LRP1B: variants seen among roughly 807,000 people sequenced by gnomAD.
LRP1B encodes the protein low-density lipoprotein receptor-related protein 1B.
A neutral mutation model predicts 556.6 loss-of-function variants in LRP1B; 217 were observed. The ratio of observed to expected loss-of-function variants is 0.39; its 90% confidence interval spans 0.35 to 0.44. The LOEUF is 0.44. LRP1B is among the 20% of genes least tolerant of loss of function. The pLI, the probability that LRP1B is intolerant of heterozygous loss-of-function variation, is 1.00. For missense variants in LRP1B, 5,053 were observed against 5,620.8 expected (o/e 0.90, Z 3.23); for synonymous variants, 2,047 against 1,865.8 (o/e 1.10, Z -2.50).
intron 41 of LRP1B, among the ~76,000 whole-genome samples, chr2:140,673,969 G>A (rs968159546): frequency 1.4e-5 from 2 of 141,600 alleles, no homozygotes; most frequent in Admixed American, 7.3e-5. Flanking sequence ...CTTTTTTTGC[G>A]ACAGAGTCTT....
chr2:140,978,201 A>C (rs1696662976), intron 18 of LRP1B, among the ~76,000 whole-genome samples: 1 of 152,224 alleles, frequency 6.6e-6, no homozygotes, highest in South Asian at 2.1e-4. Context: ...TTAACTCGTA[A>C]AGGCAAATGC....
intron 1 of LRP1B, among the ~76,000 whole-genome samples, chr2:141,842,295 T>G (rs892031494): frequency 6.6e-6 from 1 of 152,066 alleles, no homozygotes; most frequent in African/African-American, 2.4e-5. Context: ...GTAATATAAT[T>G]TAGGTAAAAT....
At chr2:141,533,433 G>A (rs1371725742) in intron 2 of LRP1B, among the ~76,000 whole-genome samples, 1 of 152,138 alleles carries the variant, frequency 6.6e-6, no homozygotes, top group Non-Finnish European at 1.5e-5. Context: ...AATGTGGAAA[G>A]GAAGCAATCT....
At chr2:141,025,013 AG>A in intron 11 of LRP1B, among the ~76,000 whole-genome samples, 1 of 152,228 alleles carries the variant, frequency 6.6e-6, no homozygotes, top group South Asian at 2.1e-4. Context: ...AAGAAAAAAC[AG>A]TAAGTGTCTT....
intron 2 of LRP1B, among the ~76,000 whole-genome samples, chr2:141,512,118 T>C (rs903161879): frequency 2.6e-5 from 4 of 152,318 alleles, no homozygotes; most frequent in Admixed American, 2.6e-4. Context: ...ATGGATATTT[T>C]CATCAACATA....
At chr2:141,695,433 T>A (rs144475464) in intron 2 of LRP1B, among the ~76,000 whole-genome samples, 47 of 152,120 alleles carry the variant, frequency 3.1e-4, no homozygotes, top group African/African-American at 1.1e-3. Context: ...TAAGGTGCTG[T>A]AACAAGTTCT....
chr2:141,310,070 A>C (rs1686754435), intron 3 of LRP1B, among the ~76,000 whole-genome samples: 1 of 152,118 alleles, frequency 6.6e-6, no homozygotes, highest in African/African-American at 2.4e-5. Flanking sequence ...ACCTTTCCAA[A>C]AGAAAGGGGA....
In LRP1B at chr2:140,401,516, C is replaced by T. The variant is rs553307379; in HGVS notation, c.10415-15507G>A. 4.9e-4 allele frequency among the ~76,000 whole-genome samples: 74 copies of T among 152,250 alleles called. 1 individual carries two copies. The highest frequency in any genetic ancestry group is 1.4e-3 in the African/African-American group (57 of 41,534). ...CCCCCAAAAGGGCTGCAGCTTGCCC[C>T]ACAAATGGAGAGTCAGAGTGCTGAT... On this transcript the variant is annotated intron_variant, in intron 66 of 90. Coordinates refer to ENST00000389484, the MANE Select transcript of LRP1B (RefSeq NM_018557.3).
chr2:140,374,725 G>C (rs1177680392), intron 68 of LRP1B, among the ~76,000 whole-genome samples: 2 of 151,962 alleles, frequency 1.3e-5, no homozygotes, highest in Non-Finnish European at 2.9e-5. Context: ...CTTTATCCCA[G>C]CTCTACTGGG....
intron 3 of LRP1B, among the ~76,000 whole-genome samples, chr2:141,315,286 G>A (rs1223214721): frequency 2.0e-5 from 2 of 102,140 alleles, no homozygotes; most frequent in African/African-American, 7.5e-5. Flanking sequence ...TTGAGACTGA[G>A]TCTTGCTCTG....
intron 3 of LRP1B, among the ~76,000 whole-genome samples, chr2:141,469,396 CAG>C (rs1682372855): frequency 6.6e-6 from 1 of 152,012 alleles, no homozygotes. Flanking sequence ...AACAAAATAC[CAG>C]AGGCTTGGTA....
At position 141,375,064 on chromosome 2, in the gene LRP1B, T is replaced by C. The variant is rs927156378; in HGVS notation, c.343+105332A>G. ...TCTCCTGAAGATGTATGTATGTTGT[T>C]GGTTAAGTAGGATCTGTTGGCTTTG... On this transcript the variant is annotated intron_variant, in intron 3 of 90. Transcript: ENST00000389484. 3.9e-5 allele frequency among the ~76,000 whole-genome samples: 6 copies of C among 152,264 alleles called. No individual in the cohort carries two copies. In the South Asian group the frequency reaches 1.0e-3, roughly 26 times the overall value.
In LRP1B at chr2:141,055,134, C is replaced by A. The variant is rs1699143665; in HGVS notation, c.1534G>T (p.Asp512Tyr). Residue 512 changes from aspartate (D) to tyrosine (Y), a missense_variant, in exon 10 of 91, where the codon GAT (aspartate) becomes TAT (tyrosine). Coordinates refer to ENST00000389484, the MANE Select transcript of LRP1B (RefSeq NM_018557.3). ...AACATACTTTTGCATGACCTGCCAT[C>A]ACTTCCCAAGTTGAAGCCAGTCCTG... Reference protein sequence around the residue: ...RCRTGFNLGSDGRSCKRPKNE... With the variant: ...RCRTGFNLGSYGRSCKRPKNE... 1 of 1,612,060 alleles carries A rather than the reference C, an allele frequency of 6.2e-7. No individual in the cohort carries two copies. Among genetic ancestry groups the A allele is most frequent in the Non-Finnish European group, 8.5e-7 (1 of 1,178,874 alleles).
chr2:141,740,830 GC>G (rs1422580453), intron 2 of LRP1B, among the ~76,000 whole-genome samples: 8 of 152,198 alleles, frequency 5.3e-5, no homozygotes, highest in Non-Finnish European at 2.9e-5. Context: ...TCTGCATGGA[GC>G]AAATCAGATT....
intron 3 of LRP1B, among the ~76,000 whole-genome samples, chr2:141,366,907 C>T (rs1435101909): frequency 6.6e-6 from 1 of 152,156 alleles, no homozygotes; most frequent in Non-Finnish European, 1.5e-5. Flanking sequence ...ACATTCAGTT[C>T]GTTTACCTTT....
At chr2:141,629,034 A>G (rs1688811273) in intron 2 of LRP1B, among the ~76,000 whole-genome samples, 1 of 152,216 alleles carries the variant, frequency 6.6e-6, no homozygotes, top group Admixed American at 6.5e-5. Flanking sequence ...CCACGTATAC[A>G]TGAGAATCAT....
At chr2:141,312,494 G>T (rs1686850156) in intron 3 of LRP1B, among the ~76,000 whole-genome samples, 1 of 152,056 alleles carries the variant, frequency 6.6e-6, no homozygotes, top group Non-Finnish European at 1.5e-5. Context: ...GTTAAGTTTT[G>T]GGGGAGCTCA....
chr2:141,423,920 TC>T (rs1680249478), intron 3 of LRP1B, among the ~76,000 whole-genome samples: 2 of 152,112 alleles, frequency 1.3e-5, no homozygotes, highest in Non-Finnish European at 2.9e-5. Flanking sequence ...ATAATAAAGT[TC>T]ATTTACATTT....
intron 31 of LRP1B, among the ~76,000 whole-genome samples, chr2:140,826,141 AAGGGCTAGCC>A (rs1691494734): frequency 6.6e-6 from 1 of 152,188 alleles, no homozygotes; most frequent in Non-Finnish European, 1.5e-5. Context: ...TAGCCTGCCT[AAGGGCTAGCC>A]AGTTTTCAGG....
Sources: allele counts gnomAD v4.1 joint callset (sites outside exome capture counted in the v4.1 genomes callset), GRCh38; gene constraint gnomAD v4.1.1; transcripts MANE v1.5; gene names NCBI Gene and HGNC (gene_info 2026-07-23, HGNC 2026-07-21).